The following GRB10 variants were observed in gnomAD, a reference collection of about 807,000 sequenced individuals.
GRB10 encodes the protein growth factor receptor bound protein 10, also known as growth factor receptor-bound protein 10.
Under a neutral mutation model 80.9 loss-of-function variants are expected in GRB10, and 20 were observed. The observed-to-expected ratio is 0.25, with a 90% CI of 0.17 to 0.36. The LOEUF is 0.36. Ranked by LOEUF, GRB10 falls within the 10% of genes least tolerant of loss-of-function variation. The probability of loss-of-function intolerance (pLI) is 1.00; values close to 1 mark genes in which losing one functional copy is unlikely to be tolerated. For missense variants in GRB10, 548 were observed against 747.7 expected (o/e 0.73, Z 3.12); for synonymous variants, 291 against 291.5 (o/e 1.00, Z 0.02).
intron 7 of GRB10, among the ~76,000 whole-genome samples, chr7:50,654,087 G>A (rs2058348580): frequency 6.6e-6 from 1 of 152,210 alleles, no homozygotes; most frequent in Non-Finnish European, 1.5e-5. Context: ...CAAGGAAGCT[G>A]AGCATGGAAG....
At chr7:50,651,542 A>T (rs1429518676) in intron 7 of GRB10, among the ~76,000 whole-genome samples, 1 of 152,174 alleles carries the variant, frequency 6.6e-6, no homozygotes, top group Non-Finnish European at 1.5e-5. Context: ...CATCTGCAAC[A>T]TTATTTCCAC....
chr7:50,752,954 A>G (rs2074390471), intron 3 of GRB10, among the ~76,000 whole-genome samples: 1 of 152,240 alleles, frequency 6.6e-6, no homozygotes, highest in South Asian at 2.1e-4. Context: ...CCAAGAGCTA[A>G]CGAATAGAAA....
At chr7:50,703,089 A>C (rs2064481280) in intron 5 of GRB10, among the ~76,000 whole-genome samples, 1 of 152,244 alleles carries the variant, frequency 6.6e-6, no homozygotes, top group African/African-American at 2.4e-5. Flanking sequence ...GCTTTTATGA[A>C]TCTTCTAACA....
At chr7:50,693,432 AT>A (rs1378900312) in intron 5 of GRB10, among the ~76,000 whole-genome samples, 2 of 152,194 alleles carry the variant, frequency 1.3e-5, no homozygotes, top group East Asian at 3.9e-4. Context: ...CTGCATGCCT[AT>A]AACCAGTATT....
chr7:50,650,634 C>T (rs1236173054), intron 7 of GRB10, among the ~76,000 whole-genome samples: 2 of 152,126 alleles, frequency 1.3e-5, no homozygotes, highest in African/African-American at 4.8e-5. Flanking sequence ...GGATGTGTTC[C>T]CCTGTTTGGG....
intron 2 of GRB10, among the ~76,000 whole-genome samples, chr7:50,773,465 AGGCAGGGGAGGGGAAGGCAG>A (rs1235057506): frequency 2.4e-5 from 1 of 41,810 alleles, no homozygotes; most frequent in African/African-American, 1.4e-4. Context: ...GGGGAGGGGA[AGGCAGGGGAGGGGAAGGCAG>A]GGGAGGGGAG....
At chr7:50,610,147 A>G (rs968880229) in intron 13 of GRB10, among the ~76,000 whole-genome samples, 13 of 152,158 alleles carry the variant, frequency 8.5e-5, no homozygotes, top group Non-Finnish European at 2.9e-5. Flanking sequence ...AAGGCAGAGC[A>G]CACACACGGG....
chr7:50,604,758 A>G (rs1368535647), intron 15 of GRB10, among the ~76,000 whole-genome samples: 1 of 152,138 alleles, frequency 6.6e-6, no homozygotes, highest in Non-Finnish European at 1.5e-5. Context: ...TCTTTTTCCC[A>G]TCCCCTGAGG....
At chr7:50,664,628 G>A (rs1337171993) in intron 7 of GRB10, among the ~76,000 whole-genome samples, 1 of 152,102 alleles carries the variant, frequency 6.6e-6, no homozygotes, top group Non-Finnish European at 1.5e-5. Context: ...AACTCAGAAG[G>A]CCCCGGAGGG....
At chr7:50,600,764 C>T (rs2047459791) in intron 17 of GRB10, among the ~76,000 whole-genome samples, 1 of 152,138 alleles carries the variant, frequency 6.6e-6, no homozygotes, top group African/African-American at 2.4e-5. Context: ...ATACATGAAA[C>T]GAGGGTCAGC....
intron 5 of GRB10, among the ~76,000 whole-genome samples, chr7:50,700,345 TCA>T (rs779206609): frequency 4.1e-4 from 63 of 152,214 alleles, no homozygotes; most frequent in Non-Finnish European, 6.9e-4. Context: ...ATTTTTTCGT[TCA>T]CAGTTTTCTT....
At chr7:50,773,881 G>A (rs185909047) in intron 2 of GRB10, among the ~76,000 whole-genome samples, 21 of 152,258 alleles carry the variant, frequency 1.4e-4, no homozygotes, top group East Asian at 3.9e-4. Flanking sequence ...ATTTTGAGAC[G>A]AAGTCTCGCT....
At chr7:50,679,053 A>C (rs2061277437) in intron 5 of GRB10, among the ~76,000 whole-genome samples, 1 of 152,234 alleles carries the variant, frequency 6.6e-6, no homozygotes, top group African/African-American at 2.4e-5. Flanking sequence ...AGACGGATTT[A>C]TAAGAATGTA....
At chr7:50,723,470 T>C (rs945858868) in intron 4 of GRB10, among the ~76,000 whole-genome samples, 12 of 152,186 alleles carry the variant, frequency 7.9e-5, no homozygotes, top group Admixed American at 7.9e-4. Context: ...TAGCTGGGTT[T>C]CAGCTGAGGT....
chr7:50,766,421 T>C (rs1358257117), intron 2 of GRB10, among the ~76,000 whole-genome samples: 1 of 152,218 alleles, frequency 6.6e-6, no homozygotes. Flanking sequence ...TTCTTTTCTT[T>C]TTCTTCCTTT....
At chr7:50,606,246 T>G (rs1770110548) in intron 14 of GRB10, 91 bp downstream of exon 14, 1 of 1,029,162 alleles carries the variant, frequency 9.7e-7, no homozygotes, top group East Asian at 2.4e-5. Context: ...GAGCTTCTCT[T>G]GCCCACCCTG....
At chr7:50,742,061 T>C (rs979243426) in intron 3 of GRB10, among the ~76,000 whole-genome samples, 2 of 149,088 alleles carry the variant, frequency 1.3e-5, no homozygotes, top group Non-Finnish European at 3.0e-5. Flanking sequence ...ACTTAAAATA[T>C]AAACAGTGAA....
rs138591747 is a variant in GRB10 at position 50,694,539 on chromosome 7, A to G, written c.139+9282T>C. Among the ~76,000 whole-genome samples the G allele has an allele frequency of 5.7e-3, 864 of 152,282 alleles. 15 individuals carry two copies. Among genetic ancestry groups the G allele is most frequent in the African/African-American group, 0.02 (814 of 41,538 alleles). On this transcript the variant is annotated intron_variant, in intron 5 of 18. Coordinates refer to ENST00000401949, the MANE Select transcript of GRB10 (RefSeq NM_001350814.2). Reference sequence around the variant, plus strand: ...CTTGAATGACTCTGGCCAATAACTTAAATTCTCAGATCCTGTCTCCACCCA... The same window carrying G: ...CTTGAATGACTCTGGCCAATAACTTGAATTCTCAGATCCTGTCTCCACCCA...
chr7:50,790,948 G>A (rs6593185), intron 1 of GRB10, among the ~76,000 whole-genome samples: 49,531 of 152,148 alleles, frequency 0.33, 10,373 homozygotes, highest in Non-Finnish European at 0.49. Flanking sequence ...TCCTACTGGA[G>A]GCTGAGTAGA....
Sources: allele counts gnomAD v4.1 joint callset (sites outside exome capture counted in the v4.1 genomes callset), GRCh38; gene constraint gnomAD v4.1.1; transcripts MANE v1.5; gene names NCBI Gene and HGNC (gene_info 2026-07-23, HGNC 2026-07-21).